SLC27A1: variants seen among roughly 807,000 people sequenced by gnomAD.
The protein encoded by SLC27A1 is solute carrier family 27 member 1.
Under a neutral mutation model 62.2 loss-of-function variants are expected in SLC27A1, and 61 were observed. That is an observed-to-expected ratio of 0.98 (90% CI 0.80 to 1.21). The LOEUF (loss-of-function observed/expected upper bound fraction) is 1.21. Ranked by LOEUF, SLC27A1 falls within the 50% of genes most tolerant of loss-of-function variation. The probability of loss-of-function intolerance (pLI) is 0.00; values close to 1 mark genes in which losing one functional copy is unlikely to be tolerated. For missense variants in SLC27A1, 903 were observed against 932.1 expected (o/e 0.97, Z 0.41); for synonymous variants, 435 against 408.6 (o/e 1.06, Z -0.78).
Position 17,503,105 on chromosome 19 carries a change from C to T in SLC27A1, c.1784-1350C>T, listed in dbSNP as rs115336775. On this transcript the variant is annotated intron_variant, in intron 11 of 11. Transcript: ENST00000252595. ...ACCACCAAATAAAGCCATCAAATCT[C>T]GTGAGACCCCTTCACTATCATGAGA... 4.6e-3 allele frequency among the ~76,000 whole-genome samples: 705 copies of T among 152,228 alleles called. 6 individuals carry two copies. Among genetic ancestry groups the T allele is most frequent in the African/African-American group, 0.016 (665 of 41,540 alleles).
chr19:17,492,867 G>A (rs563354093), intron 6 of SLC27A1, among the ~76,000 whole-genome samples: 1 of 152,062 alleles, frequency 6.6e-6, no homozygotes, highest in East Asian at 1.9e-4. Context: ...GAACCCGGGA[G>A]GTGGAAGTTG....
At chr19:17,482,520 ATGTGCC>A (rs781483507) in intron 1 of SLC27A1, among the ~76,000 whole-genome samples, 21 of 152,064 alleles carry the variant, frequency 1.4e-4, no homozygotes, top group Non-Finnish European at 2.9e-4. Flanking sequence ...GCGTGGTAGC[ATGTGCC>A]TGTAGTCCCA....
chr19:17,500,047 G>A lies in SLC27A1; in HGVS notation c.1207-231G>A. 7 of 606,412 alleles carry A rather than the reference G, an allele frequency of 1.2e-5. No homozygotes were observed. In the East Asian group the frequency reaches 1.2e-4, roughly 10 times the overall value. The allele number at this position is 606,412 out of a possible 1,614,324, so 37.6% of individuals were successfully genotyped here. A position where few individuals can be genotyped will look rare whatever the true frequency, so the allele number is the denominator to read the frequency against. On this transcript the variant is annotated intron_variant, in intron 7 of 11. Transcript: ENST00000252595. ...GAGGGTTTTGTGGATCAGGAAGTGG[G>A]TGCCAGCCAGAGGTCTTCTCTTGAC...
chr19:17,499,110 TC>T (rs2075381056), intron 7 of SLC27A1: 1 of 186,822 alleles, frequency 5.4e-6, no homozygotes, highest in Non-Finnish European at 1.1e-5. Context: ...TTCTCTAAAC[TC>T]CCCGGGGGAA....
chr19:17,470,774 G>C, intron 1 of SLC27A1, 67 bp downstream of exon 1: 1 of 1,420,486 alleles, frequency 7.0e-7, no homozygotes, highest in Non-Finnish European at 9.2e-7. Context: ...GCACGGTGCA[G>C]GGCTGGGTTG....
At chr19:17,503,090 A>G (rs373167310) in intron 11 of SLC27A1, among the ~76,000 whole-genome samples, 1 of 152,134 alleles carries the variant, frequency 6.6e-6, no homozygotes, top group African/African-American at 2.4e-5. Context: ...ACCACCAAAT[A>G]AAGCCATCAA....
chr19:17,479,660 T>G (rs952219596), intron 1 of SLC27A1, among the ~76,000 whole-genome samples: 2 of 152,202 alleles, frequency 1.3e-5, no homozygotes, highest in African/African-American at 4.8e-5. Flanking sequence ...CTCTCAATTT[T>G]TTTAAGATGA....
intron 1 of SLC27A1, among the ~76,000 whole-genome samples, chr19:17,480,970 G>T (rs2075172076): frequency 6.6e-6 from 1 of 151,032 alleles, no homozygotes; most frequent in South Asian, 2.1e-4. Flanking sequence ...TTGTTGCCCA[G>T]CCTGGAGTGC....
At position 17,501,099 on chromosome 19, in the gene SLC27A1, C is replaced by T. The variant is rs556648301; in HGVS notation, c.1637-174C>T. ...TCATGAAAGCCCACCTGTCTTAGGGCTTCAATGAGCCAAGCAGGAGCTCCA... is the reference window on the plus strand; with the variant it reads ...TCATGAAAGCCCACCTGTCTTAGGGTTTCAATGAGCCAAGCAGGAGCTCCA... On this transcript the variant is annotated intron_variant, in intron 10 of 11. Coordinates refer to ENST00000252595, the MANE Select transcript of SLC27A1 (RefSeq NM_198580.3). Among the ~76,000 whole-genome samples, 24 of 152,324 alleles carry T rather than the reference C, an allele frequency of 1.6e-4. No homozygotes were observed. The East Asian group carries it at 4.1e-3, about 26-fold the overall frequency.
At chr19:17,485,519 T>TTGTG (rs926411702) in intron 1 of SLC27A1, among the ~76,000 whole-genome samples, 2 of 151,584 alleles carry the variant, frequency 1.3e-5, no homozygotes, top group African/African-American at 4.8e-5. Flanking sequence ...GTTTGTTTGT[T>TTGTG]TGTTTGTTTG....
At chr19:17,490,038 A>G (rs2075279545) in intron 6 of SLC27A1, 1 of 152,306 alleles carries the variant, frequency 6.6e-6, no homozygotes. Flanking sequence ...ATCTTGGGGT[A>G]TACCACAAGG....
At chr19:17,494,463 G>T (rs992626078) in intron 6 of SLC27A1, among the ~76,000 whole-genome samples, 1 of 151,966 alleles carries the variant, frequency 6.6e-6, no homozygotes. Flanking sequence ...GAATAGCTGG[G>T]ATTACAGGTG....
At chr19:17,500,990 T>C (rs188175494) in intron 10 of SLC27A1, 114 bp downstream of exon 10, 11 of 1,251,180 alleles carry the variant, frequency 8.8e-6, no homozygotes, top group Non-Finnish European at 1.2e-5. Context: ...CAACTGCTCA[T>C]GGCAGCCCAG....
chr19:17,500,245 C>T lies in SLC27A1; in HGVS notation c.1207-33C>T, dbSNP rs761667305. 2.6e-5 allele frequency: 41 copies of T among 1,606,154 alleles called. 1 individual carries two copies. Among genetic ancestry groups the T allele is most frequent in the East Asian group, 1.6e-4 (7 of 44,808 alleles). ...TACTGAGAAGGACCCCGCATATCCC[C>T]GGCTCCTTCCAACTCAGTTCACCCC... On this transcript the variant is annotated intron_variant, in intron 7 of 11. Transcript: ENST00000252595.
intron 6 of SLC27A1, among the ~76,000 whole-genome samples, chr19:17,492,774 C>G (rs1230370977): frequency 2.0e-5 from 3 of 151,562 alleles, no homozygotes; most frequent in Non-Finnish European, 2.9e-5. Flanking sequence ...CCCATCTCTA[C>G]TAAAAATACA....
In SLC27A1 at chr19:17,486,498, GA is replaced by G. The variant is rs2075230524; in HGVS notation, c.168-64del. On this transcript the variant is annotated intron_variant, in intron 1 of 11. Transcript: ENST00000252595. The surrounding 1 kb of genome is among the most constrained non-coding windows in gnomAD (Gnocchi z 6.6). ...CCTGGGGTCCTCCAGCGGGGAGGCT[GA>G]GGCTCCCAGAGGCCAGGCGGGGCAG... 5 of 1,488,222 alleles carry G rather than the reference GA, an allele frequency of 3.4e-6. No homozygotes were observed. Among genetic ancestry groups the G allele is most frequent in the Non-Finnish European group, 3.6e-6 (4 of 1,120,450 alleles). The allele number at this position is 1,488,222 out of a possible 1,614,324, so 92.2% of individuals were successfully genotyped here. A position where few individuals can be genotyped will look rare whatever the true frequency, so the allele number is the denominator to read the frequency against.
chr19:17,504,418 C>A (rs191620523), intron 11 of SLC27A1, 37 bp from the exon 12 acceptor site: 1 of 1,612,906 alleles, frequency 6.2e-7, no homozygotes, highest in Non-Finnish European at 8.5e-7. Context: ...CAGAAGCCAC[C>A]TGCTCAGCCC....
Position 17,486,642 on chromosome 19 carries a change from C to A in SLC27A1, c.247C>A (p.Gln83Lys). 1.9e-6 allele frequency: 3 copies of A among 1,604,970 alleles called. No homozygotes were observed. The South Asian group carries it at 3.3e-5, about 18-fold the overall frequency. The part of the protein sequence containing the change: ...RAGHTIPRIF[Q>K]AVVQRQPERL... The stretch of plus-strand genomic sequence containing the variant: ...CGGCCACACCATCCCGCGCATCTTT[C>A]AGGCGGTAGTGCAGCGACAGCCCGA... Residue 83 changes from glutamine to lysine, a missense_variant, in exon 2 of 12, where the codon CAG becomes AAG. Physicochemically the swap from Gln to Lys is moderately conservative, Grantham distance 53. Transcript: ENST00000252595. The surrounding 1 kb of genome is among the most constrained non-coding windows in gnomAD (Gnocchi z 6.6).
chr19:17,502,335 GTT>G (rs1175394305), intron 11 of SLC27A1, among the ~76,000 whole-genome samples: 5 of 75,898 alleles, frequency 6.6e-5, no homozygotes, highest in African/African-American at 9.8e-5. Context: ...CTGAAATAGT[GTT>G]TTTTTTGTTT....
Sources: allele counts gnomAD v4.1 joint callset (sites outside exome capture counted in the v4.1 genomes callset), GRCh38; gene constraint gnomAD v4.1.1; non-coding constraint Gnocchi (gnomAD v3.1); transcripts MANE v1.5; gene names NCBI Gene and HGNC (gene_info 2026-07-23, HGNC 2026-07-21).